Variants in MIPOL1 observed in about 807,000 individuals in gnomAD.
MIPOL1 encodes the protein mirror-image polydactyly gene 1 protein.
Under a neutral mutation model 60.9 loss-of-function variants are expected in MIPOL1, and 57 were observed. That is an observed-to-expected ratio of 0.94 (90% CI 0.76 to 1.17). MIPOL1 has a LOEUF of 1.17. Among genes scored for constraint, MIPOL1 ranks in the 50% most tolerant of loss-of-function variants. The pLI, the probability that MIPOL1 is intolerant of heterozygous loss-of-function variation, is 0.00. For synonymous variants in MIPOL1, 179 were observed against 168.8 expected (o/e 1.06, Z -0.47); for missense variants, 551 against 511.6 (o/e 1.08, Z -0.74).
chr14:37,268,598 C>T, intron 4 of MIPOL1, 60 bp from the exon 5 acceptor site: 1 of 1,348,154 alleles, frequency 7.4e-7, no homozygotes, highest in Admixed American at 2.4e-5. Flanking sequence ...AAGTAGCATA[C>T]AAAATGTCAA....
rs1225319898 is a variant in MIPOL1, at chr14:37,531,215, CT to C, written c.1263-15689del. Among the ~76,000 whole-genome samples, 7 of 152,270 alleles carry C rather than the reference CT, an allele frequency of 4.6e-5. No homozygotes were observed. The East Asian group carries it at 9.7e-4, about 21-fold the overall frequency. On this transcript the variant is annotated intron_variant, in intron 12 of 12. Transcript: ENST00000684589. ...TTTGCTTATTTGCCTCTCTTTGTTCCTGCCAGACTGACCTCTATGCAGTTCC... is the reference window on the plus strand; with the variant it reads ...TTTGCTTATTTGCCTCTCTTTGTTCCGCCAGACTGACCTCTATGCAGTTCC...
In MIPOL1 at chr14:37,366,424, C is replaced by A. The variant is rs1294218373; in HGVS notation, c.829-3093C>A. Among the ~76,000 whole-genome samples, 6 of 152,084 alleles carry A rather than the reference C, an allele frequency of 3.9e-5. No individual in the cohort carries two copies. In the East Asian group the frequency reaches 5.8e-4, roughly 15 times the overall value. ...CATCGACCCCCTGGTCATTCAGGAG[C>A]ATATTGTTTAATTTTGGTGTGTTTG... is the stretch of plus-strand genomic sequence containing the variant. On this transcript the variant is annotated intron_variant, in intron 9 of 12. Transcript: ENST00000684589.
intron 11 of MIPOL1, among the ~76,000 whole-genome samples, chr14:37,430,110 C>G (rs950065876): frequency 1.3e-5 from 2 of 152,078 alleles, no homozygotes; most frequent in African/African-American, 4.8e-5. Flanking sequence ...AATTAACTAT[C>G]TATGGAGCTA....
At chr14:37,458,083 G>C (rs2094497247) in intron 11 of MIPOL1, among the ~76,000 whole-genome samples, 1 of 151,062 alleles carries the variant, frequency 6.6e-6, no homozygotes, top group Non-Finnish European at 1.5e-5. Flanking sequence ...AAAAAAAAAA[G>C]ATAAAGTCAT....
At chr14:37,321,946 A>G (rs1351070348) in intron 9 of MIPOL1, among the ~76,000 whole-genome samples, 1 of 151,998 alleles carries the variant, frequency 6.6e-6, no homozygotes, top group Non-Finnish European at 1.5e-5. Flanking sequence ...AATTTTAAAC[A>G]TATGGAAAAT....
At chr14:37,305,403 A>G (rs1487953812) in intron 7 of MIPOL1, among the ~76,000 whole-genome samples, 2 of 151,808 alleles carry the variant, frequency 1.3e-5, no homozygotes, top group Non-Finnish European at 3.0e-5. Context: ...TGTTTTGTAA[A>G]TAAAGTTTTA....
intron 10 of MIPOL1, among the ~76,000 whole-genome samples, chr14:37,371,561 G>T (rs1595455607): frequency 6.6e-6 from 1 of 151,664 alleles, no homozygotes. Flanking sequence ...TAAATTCTTG[G>T]TGAAGATGAG....
rs2095427127 is a variant in MIPOL1 at position 37,523,468 on chromosome 14, T to C, written c.1262+23330T>C. 5 of 401,280 alleles carry C rather than the reference T, an allele frequency of 1.2e-5. No individual in the cohort carries two copies. The South Asian group carries it at 3.8e-4, about 30-fold the overall frequency. 24.9% of individuals were successfully genotyped at this position (401,280 alleles called of 1,614,324 possible). ...AATATAAATATTAGAGTTTTTTTTT[T>C]CCAGATCTCAAATACAAATCTATTT... On this transcript the variant is annotated intron_variant, in intron 12 of 12. Coordinates refer to ENST00000684589, the MANE Select transcript of MIPOL1 (RefSeq NM_001388067.1).
At chr14:37,490,341 G>A (rs1490862567) in intron 11 of MIPOL1, among the ~76,000 whole-genome samples, 1 of 152,150 alleles carries the variant, frequency 6.6e-6, no homozygotes, top group Non-Finnish European at 1.5e-5. Context: ...TCATACTCCT[G>A]TACTGGCAAT....
rs371468294 is a variant in MIPOL1 at position 37,473,674 on chromosome 14, A to G, written c.1032-26234A>G. Among the ~76,000 whole-genome samples, 10 of 152,294 alleles carry G rather than the reference A, an allele frequency of 6.6e-5. No homozygotes were observed. The South Asian group carries it at 8.3e-4, about 13-fold the overall frequency. Reference sequence around the variant, plus strand: ...TCCCCAGCACACAGTTTCCCCTTTTATTAATGTCTTGTATTGATGTGGCAC... The same window carrying G: ...TCCCCAGCACACAGTTTCCCCTTTTGTTAATGTCTTGTATTGATGTGGCAC... On this transcript the variant is annotated intron_variant, in intron 11 of 12. Transcript: ENST00000684589.
At chr14:37,381,899 A>G (rs1460505231) in intron 10 of MIPOL1, among the ~76,000 whole-genome samples, 1 of 151,922 alleles carries the variant, frequency 6.6e-6, no homozygotes, top group Non-Finnish European at 1.5e-5. Context: ...CTGAATTAGA[A>G]TATCTTACTC....
At chr14:37,342,279 C>A (rs544114194) in intron 9 of MIPOL1, among the ~76,000 whole-genome samples, 3 of 151,846 alleles carry the variant, frequency 2.0e-5, no homozygotes, top group Non-Finnish European at 4.4e-5. Flanking sequence ...ATCGCTTGAG[C>A]CTGGGAGGGA....
rs550568012 is a variant in MIPOL1 at position 37,222,180 on chromosome 14, A to G, written c.-199+24076A>G. Among the ~76,000 whole-genome samples, 22 of 152,010 alleles carry G rather than the reference A, an allele frequency of 1.4e-4. No homozygotes were observed. The South Asian group carries it at 4.6e-3, about 32-fold the overall frequency. On this transcript the variant is annotated intron_variant, in intron 1 of 12. Transcript: ENST00000684589. Reference sequence around the variant, plus strand: ...AGAAATAGATAAGAAGAAAGGGATAACTGGTCCCAATTAAGTCCAAAACCT... The same window carrying G: ...AGAAATAGATAAGAAGAAAGGGATAGCTGGTCCCAATTAAGTCCAAAACCT...
At chr14:37,361,587 C>T (rs2092245157) in intron 9 of MIPOL1, among the ~76,000 whole-genome samples, 2 of 139,898 alleles carry the variant, frequency 1.4e-5, no homozygotes, top group Admixed American at 7.2e-5. Flanking sequence ...ATGTGATGGC[C>T]TTTTTTGTTT....
At chr14:37,244,400 C>T (rs543118122) in intron 1 of MIPOL1, among the ~76,000 whole-genome samples, 16 of 151,834 alleles carry the variant, frequency 1.1e-4, no homozygotes, top group East Asian at 3.9e-4. Flanking sequence ...GGATTACAGG[C>T]GTGAGCCACC....
At position 37,266,941 on chromosome 14, in the gene MIPOL1, T is replaced by G; in HGVS notation, c.23T>G (p.Ile8Arg). 1.2e-6 allele frequency: 2 copies of G among 1,606,802 alleles called. No homozygotes were observed. The highest frequency in any genetic ancestry group is 1.7e-6 in the Non-Finnish European group (2 of 1,174,860). The change falls in exon 4 of 13, where the codon ATA (isoleucine) becomes AGA (arginine). Residue 8 changes from isoleucine (I) to arginine (R), a missense_variant. By Grantham distance (97) the Ile-to-Arg change is moderately conservative (BLOSUM62 -3). Coordinates refer to ENST00000684589, the MANE Select transcript of MIPOL1 (RefSeq NM_001388067.1). MENWSKD[I>R]THSYLEQETT... ...TTATTTGTTTGTTTAAATACAGACA[T>G]AACCCACAGTTATCTTGAACAAGAA...
chr14:37,451,922 C>T (rs1299491226), intron 11 of MIPOL1, among the ~76,000 whole-genome samples: 1 of 148,906 alleles, frequency 6.7e-6, no homozygotes, highest in Admixed American at 6.7e-5. Flanking sequence ...TCACGCCATT[C>T]TCCTGCCTCA....
At chr14:37,376,928 T>C (rs577499773) in intron 10 of MIPOL1, among the ~76,000 whole-genome samples, 3 of 152,314 alleles carry the variant, frequency 2.0e-5, no homozygotes, top group African/African-American at 7.2e-5. Context: ...TGTTGCTCCA[T>C]ATTCTCACCA....
In MIPOL1 at chr14:37,230,436, G is replaced by T. The variant is rs79478659; in HGVS notation, c.-198-16667G>T. Among the ~76,000 whole-genome samples the T allele has an allele frequency of 0.01, 1,527 of 152,284 alleles. 59 individuals carry two copies. In the East Asian group the frequency reaches 0.14, roughly 14 times the overall value. On this transcript the variant is annotated intron_variant, in intron 1 of 12. Coordinates refer to ENST00000684589, the MANE Select transcript of MIPOL1 (RefSeq NM_001388067.1). Reference sequence around the variant, plus strand: ...TGAAGAGAGTTTTACAGTGATGCTTGCAGGGTGTTGCTCCATATCTCTATC... The same window carrying T: ...TGAAGAGAGTTTTACAGTGATGCTTTCAGGGTGTTGCTCCATATCTCTATC...
Sources: gnomAD v4.1 joint callset for allele counts (sites outside exome capture counted in the v4.1 genomes callset) on GRCh38, gnomAD v4.1.1 for gene constraint, MANE v1.5 for transcripts, NCBI Gene and HGNC (gene_info 2026-07-23, HGNC 2026-07-21) for gene names.